The following TEX9 variants were observed in gnomAD, a reference collection of about 807,000 sequenced individuals.
TEX9 encodes testis expressed 9.
Under a neutral mutation model 59.6 loss-of-function variants are expected in TEX9, and 74 were observed. The ratio of observed to expected loss-of-function variants is 1.24; its 90% CI spans 1.03 to 1.51. The LOEUF (loss-of-function observed/expected upper bound fraction) is 1.51, where lower values mean the gene tolerates loss of function less well. Ranked by LOEUF, TEX9 falls within the 40% of genes most tolerant of loss-of-function variation. TEX9 has a pLI of 0.00. For synonymous variants in TEX9, 186 were observed against 152.2 expected, an observed-to-expected ratio of 1.22 and a Z score of -1.64; for missense variants, 522 against 447.8, an observed-to-expected ratio of 1.17 and a Z score of -1.49.
chr15:56,376,665 C>T (rs570198495), intron 3 of TEX9, among the ~76,000 whole-genome samples: 11 of 151,794 alleles, frequency 7.2e-5, no homozygotes, highest in Non-Finnish European at 1.2e-4. Context: ...CTACCCTTGT[C>T]GATGGGTAGT....
chr15:56,266,013 C>G (rs981063739), intron 1 of TEX9, among the ~76,000 whole-genome samples: 2 of 152,052 alleles, frequency 1.3e-5, no homozygotes, highest in Non-Finnish European at 2.9e-5. Flanking sequence ...TTATCTAATA[C>G]CTTTTATTCT....
intron 1 of TEX9, among the ~76,000 whole-genome samples, chr15:56,303,154 G>C (rs1247021252): frequency 1.3e-5 from 2 of 152,146 alleles, no homozygotes; most frequent in African/African-American, 2.4e-5. Flanking sequence ...AGATCATCCA[G>C]GTAGAAAATC....
rs74713468 is a variant in TEX9 at position 56,320,145 on chromosome 15, T to C, written c.-106-53296T>C. Among the ~76,000 whole-genome samples, 1,225 of 152,340 alleles carry C rather than the reference T, an allele frequency of 8.0e-3. 10 individuals carry two copies. Among genetic ancestry groups the C allele is most frequent in the Non-Finnish European group, 0.013 (917 of 68,026 alleles). On this transcript the variant is annotated intron_variant, in intron 1 of 5. Transcript: ENST00000560827. Reference sequence around the variant, plus strand: ...TCTTTTAAACTCTCATTTTATTTTGTCTAGTATTAGATAGTATTTAGGTGC... The same window carrying C: ...TCTTTTAAACTCTCATTTTATTTTGCCTAGTATTAGATAGTATTTAGGTGC...
intron 1 of TEX9, among the ~76,000 whole-genome samples, chr15:56,329,165 C>T (rs2046088932): frequency 2.0e-5 from 3 of 152,140 alleles, no homozygotes; most frequent in African/African-American, 2.4e-5. Context: ...TCTTCTGGAT[C>T]ATGTCCAAGG....
chr15:56,392,020 T>C (rs945959255), intron 7 of TEX9, among the ~76,000 whole-genome samples: 17 of 151,944 alleles, frequency 1.1e-4, no homozygotes, highest in African/African-American at 4.1e-4. Flanking sequence ...TCCTATGCTA[T>C]TGAAACAAAA....
At chr15:56,278,324 G>T (rs1388727504) in intron 1 of TEX9, among the ~76,000 whole-genome samples, 1 of 152,156 alleles carries the variant, frequency 6.6e-6, no homozygotes, top group Non-Finnish European at 1.5e-5. Flanking sequence ...TATTCCACCA[G>T]CAAGTGTTTC....
the TEX9 span, among the ~76,000 whole-genome samples, chr15:56,460,009 A>AAAAAAAAAAAAAAAAAAATAT: frequency 1.1e-4 from 3 of 26,386 alleles, no homozygotes; most frequent in African/African-American, 4.5e-4. Flanking sequence ...AAAAAAAAAA[A>AAAAAAAAAAAAAAAAAAATAT]ATACATATAT....
intron 1 of TEX9, among the ~76,000 whole-genome samples, chr15:56,255,245 A>G (rs1403423864): frequency 2.0e-5 from 3 of 152,168 alleles, no homozygotes; most frequent in Non-Finnish European, 4.4e-5. Context: ...AGACTTTACA[A>G]AAGCAGGGGG....
chr15:56,332,616 T>A (rs1471422776), intron 1 of TEX9, among the ~76,000 whole-genome samples: 77 of 138,400 alleles, frequency 5.6e-4, no homozygotes, highest in Non-Finnish European at 6.3e-4. Context: ...ACTTAAAATA[T>A]AAAAAAAAAA....
intron 2 of TEX9, among the ~76,000 whole-genome samples, chr15:56,370,801 T>A (rs556013892): frequency 1.3e-5 from 2 of 152,188 alleles, no homozygotes; most frequent in Non-Finnish European, 2.9e-5. Flanking sequence ...TGTCTTCAGT[T>A]TGGGAAATTC....
At chr15:56,448,327 G>A (rs1397640355), downstream of TEX9, among the ~76,000 whole-genome samples, 1 of 152,168 alleles carries the variant, frequency 6.6e-6, no homozygotes, top group Non-Finnish European at 1.5e-5. Context: ...GAGGTTTGGA[G>A]TACAGCTCCT....
At chr15:56,401,382 G>T (rs1251806108) in intron 9 of TEX9, among the ~76,000 whole-genome samples, 1 of 132,788 alleles carries the variant, frequency 7.5e-6, no homozygotes, top group Non-Finnish European at 1.6e-5. Context: ...AACCAACAAA[G>T]ATCAAAAGAG....
At chr15:56,407,116 A>G (rs774147597) in intron 9 of TEX9, among the ~76,000 whole-genome samples, 2 of 152,014 alleles carry the variant, frequency 1.3e-5, no homozygotes, top group Non-Finnish European at 2.9e-5. Context: ...AAAATCATAT[A>G]TAAATTGACC....
chr15:56,272,947 G>T (rs78300911), intron 1 of TEX9, among the ~76,000 whole-genome samples: 22,731 of 129,184 alleles, frequency 0.18, 1,899 homozygotes, highest in Admixed American at 0.19. Context: ...TATTTTTTTT[G>T]TTGTTGTTGT....
upstream of TEX9, among the ~76,000 whole-genome samples, chr15:56,364,423 G>A (rs1280538220): frequency 6.7e-6 from 1 of 150,034 alleles, no homozygotes; most frequent in Non-Finnish European, 1.5e-5. Flanking sequence ...AAAGTGCTTG[G>A]ATTACAGGCA....
chr15:56,339,327 A>C (rs115776346), intron 1 of TEX9, among the ~76,000 whole-genome samples: 2,314 of 136,522 alleles, frequency 0.017, 67 homozygotes, highest in African/African-American at 0.06. Flanking sequence ...AGGTTGCAGT[A>C]AGCCCTGATC....
intron 1 of TEX9, among the ~76,000 whole-genome samples, chr15:56,263,117 G>A (rs1452927269): frequency 6.6e-6 from 1 of 152,032 alleles, no homozygotes; most frequent in Non-Finnish European, 1.5e-5. Flanking sequence ...TCTGCCTCCC[G>A]AGTTCAAGCG....
chr15:56,268,193 G>T (rs1201986405), intron 1 of TEX9, among the ~76,000 whole-genome samples: 1 of 152,222 alleles, frequency 6.6e-6, no homozygotes, highest in Non-Finnish European at 1.5e-5. Flanking sequence ...AGACTTTGCT[G>T]AAATTGCTTA....
chr15:56,249,441 G>A (rs563972802), intron 1 of TEX9, among the ~76,000 whole-genome samples: 113 of 141,664 alleles, frequency 8.0e-4, no homozygotes, highest in Non-Finnish European at 1.4e-3. Flanking sequence ...CACATCTGGG[G>A]AGAGAGAGAG....
Sources: gnomAD v4.1 joint callset for allele counts (sites outside exome capture counted in the v4.1 genomes callset) on GRCh38, gnomAD v4.1.1 for gene constraint, MANE v1.5 for transcripts, NCBI Gene and HGNC (gene_info 2026-07-23, HGNC 2026-07-21) for gene names.